Variants in PDE8B observed in about 807,000 individuals in gnomAD.
PDE8B encodes high affinity cAMP-specific and IBMX-insensitive 3',5'-cyclic phosphodiesterase 8B.
A neutral mutation model predicts 101.3 loss-of-function variants in PDE8B; 26 were observed. The observed-to-expected ratio is 0.26, with a 90% confidence interval of 0.19 to 0.36. The LOEUF is 0.36. PDE8B is among the 10% of genes least tolerant of loss of function. PDE8B has a pLI of 1.00. For missense variants in PDE8B, 810 were observed against 1,163.1 expected (o/e 0.70, Z 4.42); for synonymous variants, 424 against 429.3 (o/e 0.99, Z 0.15).
At chr5:77,387,395 C>T (rs887105352) in intron 10 of PDE8B, among the ~76,000 whole-genome samples, 3 of 152,118 alleles carry the variant, frequency 2.0e-5, no homozygotes, top group Non-Finnish European at 4.4e-5. Context: ...TATTGGTCCC[C>T]ACTCTCTTCT....
At chr5:77,412,849 G>A (rs909176149) in intron 16 of PDE8B, among the ~76,000 whole-genome samples, 3 of 152,152 alleles carry the variant, frequency 2.0e-5, no homozygotes, top group Non-Finnish European at 4.4e-5. Flanking sequence ...TTTCTAGGTT[G>A]TCAGAGCCAC....
the PDE8B span, among the ~76,000 whole-genome samples, chr5:77,185,497 C>A: frequency 6.6e-6 from 1 of 152,064 alleles, no homozygotes; most frequent in African/African-American, 2.4e-5. Flanking sequence ...AAATTAATTC[C>A]TCTTTAAAGA....
intron 18 of PDE8B, among the ~76,000 whole-genome samples, chr5:77,419,514 T>G (rs1457240524): frequency 1.3e-5 from 2 of 152,224 alleles, no homozygotes; most frequent in Non-Finnish European, 2.9e-5. Flanking sequence ...ACGTCCACCA[T>G]GTGACAGGTA....
the PDE8B span, among the ~76,000 whole-genome samples, chr5:77,163,273 G>A: frequency 6.6e-6 from 1 of 152,168 alleles, no homozygotes; most frequent in Non-Finnish European, 1.5e-5. Flanking sequence ...CCCTCTCCGA[G>A]TAATGTCTCC....
At chr5:77,208,309 G>A (rs894235964), upstream of PDE8B, among the ~76,000 whole-genome samples, 1 of 152,186 alleles carries the variant, frequency 6.6e-6, no homozygotes, top group Non-Finnish European at 1.5e-5. Flanking sequence ...CATGTGTCAT[G>A]AGAATATGCA....
the PDE8B span, among the ~76,000 whole-genome samples, chr5:77,176,504 G>A: frequency 1.3e-5 from 2 of 152,328 alleles, no homozygotes; most frequent in Admixed American, 1.3e-4. Context: ...ATATTCATGG[G>A]CATGAGCAGG....
At chr5:77,348,747 A>C (rs931668788) in intron 7 of PDE8B, among the ~76,000 whole-genome samples, 1 of 152,156 alleles carries the variant, frequency 6.6e-6, no homozygotes, top group Non-Finnish European at 1.5e-5. Context: ...CAACGGTGCA[A>C]TCATAGCTCA....
At chr5:77,212,037 T>A (rs1167629444) in intron 1 of PDE8B, among the ~76,000 whole-genome samples, 2 of 152,148 alleles carry the variant, frequency 1.3e-5, no homozygotes, top group Non-Finnish European at 2.9e-5. Context: ...AAAAAATTGT[T>A]TAGATGGTTA....
chr5:77,203,743 T>A, the PDE8B span, among the ~76,000 whole-genome samples: 1 of 152,228 alleles, frequency 6.6e-6, no homozygotes, highest in South Asian at 2.1e-4. Flanking sequence ...AGGGACTGTT[T>A]CTGTCTTGTT....
At chr5:77,314,688 C>CT (rs1176616865) in intron 2 of PDE8B, among the ~76,000 whole-genome samples, 2 of 151,854 alleles carry the variant, frequency 1.3e-5, no homozygotes, top group Non-Finnish European at 2.9e-5. Context: ...AGTCTAGATG[C>CT]TTTTTTTTCT....
chr5:77,260,425 T>C (rs1760295153), intron 1 of PDE8B, among the ~76,000 whole-genome samples: 1 of 152,196 alleles, frequency 6.6e-6, no homozygotes, highest in Non-Finnish European at 1.5e-5. Context: ...CTACCACGTA[T>C]GCAAATACTT....
intron 1 of PDE8B, among the ~76,000 whole-genome samples, chr5:77,274,013 A>G (rs918514153): frequency 4.6e-5 from 7 of 151,762 alleles, no homozygotes; most frequent in African/African-American, 1.7e-4. Context: ...GTAGAGACAA[A>G]GTTTCTCCAT....
At chr5:77,210,073 T>G (rs972928180), upstream of PDE8B, among the ~76,000 whole-genome samples, 3 of 151,870 alleles carry the variant, frequency 2.0e-5, no homozygotes, top group Non-Finnish European at 4.4e-5. The surrounding 1 kb of genome is among the most constrained non-coding windows in gnomAD (Gnocchi z 4.9). Context: ...GCAAATGCGG[T>G]GGGTGGGCCT....
chr5:77,282,441 A>G (rs1580774313), intron 1 of PDE8B, among the ~76,000 whole-genome samples: 1 of 152,254 alleles, frequency 6.6e-6, no homozygotes, highest in East Asian at 1.9e-4. Flanking sequence ...GTTGGCAGTC[A>G]GCAGACGCTG....
chr5:77,269,549 C>A (rs1040381616), intron 1 of PDE8B, among the ~76,000 whole-genome samples: 1 of 152,236 alleles, frequency 6.6e-6, no homozygotes, highest in Non-Finnish European at 1.5e-5. Context: ...AATCTTTGCC[C>A]AGTCCAATGT....
At chr5:77,424,232 A>G (rs1797405063) in intron 20 of PDE8B, among the ~76,000 whole-genome samples, 2 of 152,174 alleles carry the variant, frequency 1.3e-5, no homozygotes, top group African/African-American at 4.8e-5. Context: ...CAGAGAGAGG[A>G]CCTGACGTAC....
At chr5:77,372,564 G>A (rs1175745478) in intron 10 of PDE8B, among the ~76,000 whole-genome samples, 1 of 152,176 alleles carries the variant, frequency 6.6e-6, no homozygotes, top group East Asian at 1.9e-4. Context: ...AATTTTTTAT[G>A]CGGAAAGATT....
chr5:77,332,712 C>T (rs1443128258), intron 5 of PDE8B, among the ~76,000 whole-genome samples: 1 of 152,014 alleles, frequency 6.6e-6, no homozygotes, highest in East Asian at 1.9e-4. Context: ...TGGCACATGC[C>T]TATAATCCCA....
the PDE8B span, among the ~76,000 whole-genome samples, chr5:77,116,522 G>A: frequency 7.2e-4 from 110 of 152,190 alleles, no homozygotes; most frequent in African/African-American, 2.1e-3. Context: ...GATTACAGGC[G>A]TAAGCCACCA....
Sources: allele counts gnomAD v4.1 joint callset (sites outside exome capture counted in the v4.1 genomes callset), GRCh38; gene constraint gnomAD v4.1.1; non-coding constraint Gnocchi (gnomAD v3.1); transcripts MANE v1.5; gene names NCBI Gene and HGNC (gene_info 2026-07-23, HGNC 2026-07-21).